Variants in RABGAP1L observed in about 807,000 individuals in gnomAD.
RABGAP1L encodes the protein RAB GTPase activating protein 1 like, also known as rab GTPase-activating protein 1-like.
In RABGAP1L, 63 loss-of-function variants were observed where a neutral mutation model predicts 137.7. The ratio of observed to expected loss-of-function variants is 0.46; its 90% CI spans 0.37 to 0.56. RABGAP1L has a LOEUF of 0.56. Ranked by LOEUF, RABGAP1L falls within the 20% of genes least tolerant of loss-of-function variation. The pLI, the probability that RABGAP1L is intolerant of heterozygous loss-of-function variation, is 0.00. For synonymous variants in RABGAP1L, 431 were observed against 433.7 expected, an observed-to-expected ratio of 0.99 and a Z score of 0.08; for missense variants, 1,095 against 1,244.0, an observed-to-expected ratio of 0.88 and a Z score of 1.80.
Position 174,873,510 on chromosome 1 carries a change from A to AT in RABGAP1L, c.2340+61568dup, listed in dbSNP as rs11339447. 2.4e-3 allele frequency among the ~76,000 whole-genome samples: 331 copies of AT among 135,974 alleles called. 2 individuals are homozygous for AT. In the East Asian group the frequency reaches 0.03, roughly 12 times the overall value. The allele number at this position is 135,974 out of a possible 152,430, so 89.2% of individuals were successfully genotyped here. The stretch of plus-strand genomic sequence containing the variant: ...ACTGCTACTCTCCTGAGTTGAGATA[A>AT]TTTTTTTTTTTTTTTTTTCCGAGAT... On this transcript the variant is annotated intron_variant, in intron 19 of 25. Coordinates refer to ENST00000681986, the MANE Select transcript of RABGAP1L (RefSeq NM_001366446.1).
intron 13 of RABGAP1L, among the ~76,000 whole-genome samples, chr1:174,490,171 G>A (rs1026456873): frequency 6.6e-6 from 1 of 152,038 alleles, no homozygotes; most frequent in East Asian, 1.9e-4. Context: ...GGACATTGAA[G>A]GGTTAGGTAT....
chr1:174,946,573 C>T (rs1666798325), intron 19 of RABGAP1L, among the ~76,000 whole-genome samples: 1 of 151,644 alleles, frequency 6.6e-6, no homozygotes, highest in Admixed American at 6.6e-5. Flanking sequence ...ATAGTAACAC[C>T]CAGTTTCTTT....
chr1:174,218,640 T>G (rs943551637), intron 1 of RABGAP1L, among the ~76,000 whole-genome samples: 8 of 152,176 alleles, frequency 5.3e-5, no homozygotes, highest in Non-Finnish European at 8.8e-5. Context: ...CTTTAGTTAC[T>G]CAGAAAAAAT....
intron 13 of RABGAP1L, among the ~76,000 whole-genome samples, chr1:174,518,607 G>T (rs1158353447): frequency 6.6e-6 from 1 of 152,150 alleles, no homozygotes; most frequent in Non-Finnish European, 1.5e-5. Flanking sequence ...CCTCTTGGGT[G>T]TTAAATATAC....
intron 18 of RABGAP1L, among the ~76,000 whole-genome samples, chr1:174,762,553 T>C (rs972186134): frequency 1.3e-5 from 2 of 152,194 alleles, no homozygotes; most frequent in African/African-American, 4.8e-5. Flanking sequence ...TTTGCATACT[T>C]GGGACTGATA....
intron 21 of RABGAP1L, 49 bp from the exon 22 acceptor site, chr1:174,976,029 A>T: frequency 1.4e-6 from 2 of 1,457,148 alleles, no homozygotes; most frequent in Non-Finnish European, 9.4e-7. Context: ...CACTTTCTTT[A>T]CCCTCTGTAT....
At chr1:174,689,475 A>C (rs1678720043) in intron 15 of RABGAP1L, among the ~76,000 whole-genome samples, 1 of 152,126 alleles carries the variant, frequency 6.6e-6, no homozygotes, top group Non-Finnish European at 1.5e-5. Context: ...TGGACTGCAG[A>C]GTTCATATTT....
intron 13 of RABGAP1L, among the ~76,000 whole-genome samples, chr1:174,486,775 A>T (rs1459932070): frequency 6.6e-6 from 1 of 151,910 alleles, no homozygotes; most frequent in African/African-American, 2.4e-5. Context: ...GTAAGCTCTT[A>T]TGTCTATAAA....
At chr1:174,606,256 T>A (rs1395622463) in intron 13 of RABGAP1L, among the ~76,000 whole-genome samples, 1 of 152,186 alleles carries the variant, frequency 6.6e-6, no homozygotes. Flanking sequence ...AGTGTAGATG[T>A]TAATTGTTTA....
intron 13 of RABGAP1L, among the ~76,000 whole-genome samples, chr1:174,609,391 G>A (rs1034703166): frequency 2.0e-5 from 3 of 152,146 alleles, no homozygotes; most frequent in African/African-American, 7.2e-5. Flanking sequence ...TTAGCTGCAT[G>A]AGAGTCAATT....
At chr1:174,388,496 A>C (rs1686980217) in intron 12 of RABGAP1L, among the ~76,000 whole-genome samples, 1 of 151,906 alleles carries the variant, frequency 6.6e-6, no homozygotes, top group Admixed American at 6.6e-5. Flanking sequence ...AAAGGTTGAG[A>C]GAGAGAGAGA....
At chr1:174,589,015 A>G (rs1213714709) in intron 13 of RABGAP1L, among the ~76,000 whole-genome samples, 2 of 152,168 alleles carry the variant, frequency 1.3e-5, no homozygotes, top group South Asian at 2.1e-4. Context: ...AATTTTTTGC[A>G]GAACTTCTAT....
intron 11 of RABGAP1L, among the ~76,000 whole-genome samples, chr1:174,322,255 C>A (rs753463119): frequency 6.6e-6 from 1 of 151,762 alleles, no homozygotes; most frequent in Non-Finnish European, 1.5e-5. Flanking sequence ...TCTATAATTG[C>A]AGGTAGAGGT....
intron 17 of RABGAP1L, among the ~76,000 whole-genome samples, chr1:174,717,148 G>C (rs2148577076): frequency 6.6e-6 from 1 of 152,230 alleles, no homozygotes; most frequent in South Asian, 2.1e-4. Context: ...AGTGGCTCAG[G>C]CCTGTAATTC....
intron 21 of RABGAP1L, among the ~76,000 whole-genome samples, chr1:174,969,976 T>C (rs1373038145): frequency 6.6e-6 from 1 of 152,194 alleles, no homozygotes; most frequent in South Asian, 2.1e-4. Context: ...AACACTTCGA[T>C]AGTATGTGTT....
At chr1:174,681,255 G>C (rs766981085) in intron 14 of RABGAP1L, among the ~76,000 whole-genome samples, 1 of 152,112 alleles carries the variant, frequency 6.6e-6, no homozygotes, top group Non-Finnish European at 1.5e-5. Context: ...ATCCACAAAC[G>C]CTGTGTATAT....
At chr1:174,252,397 G>T in intron 6 of RABGAP1L, 83 bp from the exon 7 acceptor site, 3 of 1,512,500 alleles carry the variant, frequency 2.0e-6, no homozygotes, top group Non-Finnish European at 2.7e-6. Flanking sequence ...TAAATACTTT[G>T]TTGTTTTGTT....
At chr1:174,812,049 A>G in intron 19 of RABGAP1L, 89 bp downstream of exon 19, 1 of 1,212,308 alleles carries the variant, frequency 8.2e-7, no homozygotes, top group Non-Finnish European at 1.1e-6. Flanking sequence ...ATATGTTGCA[A>G]GGTTTGATTA....
At chr1:174,926,672 A>T (rs1662886002) in intron 19 of RABGAP1L, among the ~76,000 whole-genome samples, 1 of 152,080 alleles carries the variant, frequency 6.6e-6, no homozygotes, top group East Asian at 1.9e-4. Flanking sequence ...GATTTTTCTA[A>T]TTAAATGACT....
Sources: gnomAD v4.1 joint callset for allele counts (sites outside exome capture counted in the v4.1 genomes callset) on GRCh38, gnomAD v4.1.1 for gene constraint, MANE v1.5 for transcripts, NCBI Gene and HGNC (gene_info 2026-07-23, HGNC 2026-07-21) for gene names.